Variants in LRRC8A observed in about 807,000 individuals in gnomAD.
The protein encoded by LRRC8A is leucine rich repeat containing 8 VRAC subunit A, also known as volume-regulated anion channel subunit LRRC8A.
In LRRC8A, 24 loss-of-function variants were observed where a neutral mutation model predicts 52.5. The observed-to-expected ratio is 0.46, with a 90% CI of 0.33 to 0.64. The LOEUF (loss-of-function observed/expected upper bound fraction) is 0.64, where lower values mean the gene tolerates loss of function less well. LRRC8A is among the 30% of genes least tolerant of loss of function. The probability of loss-of-function intolerance (pLI) is 0.02; values close to 1 mark genes in which losing one functional copy is unlikely to be tolerated. For missense variants in LRRC8A, 677 were observed against 1,094.7 expected, an observed-to-expected ratio of 0.62 and a Z score of 5.38; for synonymous variants, 492 against 494.2, an observed-to-expected ratio of 1.00 and a Z score of 0.06.
At chr9:128,898,983 G>A (rs1405778190) in intron 2 of LRRC8A, among the ~76,000 whole-genome samples, 1 of 152,254 alleles carries the variant, frequency 6.6e-6, no homozygotes, top group Admixed American at 6.5e-5. Flanking sequence ...GCCAGCTGGA[G>A]GCCAGAACAG....
Position 128,908,351 on chromosome 9 carries a change from AG to A in LRRC8A, c.1189del (p.Val397Ter). 6.2e-7 allele frequency: 1 copy of A among 1,614,000 alleles called. No homozygotes were observed. The highest frequency in any genetic ancestry group is 8.5e-7 in the Non-Finnish European group (1 of 1,180,030). ...AAGCGCTTCGCCGTCTTCCTGTCGG[AG>A]GTGAGTGAGAACAAGCTGCGGCAGC... ...YSKRFAVFLS[E>X]VSENKLRQLN... is the part of the protein sequence containing the mutation. On this transcript the variant is annotated frameshift_variant, in exon 3 of 4. Transcript: ENST00000372600. LOFTEE classifies it high-confidence loss of function.
At chr9:128,890,417 G>A (rs1177265676) in intron 2 of LRRC8A, among the ~76,000 whole-genome samples, 4 of 152,146 alleles carry the variant, frequency 2.6e-5, no homozygotes, top group Non-Finnish European at 5.9e-5. Context: ...AGTAAAAGTG[G>A]CTGTAAAATT....
At chr9:128,906,110 T>C (rs1840236637) in intron 2 of LRRC8A, among the ~76,000 whole-genome samples, 1 of 152,170 alleles carries the variant, frequency 6.6e-6, no homozygotes, top group Non-Finnish European at 1.5e-5. Context: ...CCCAGAATCT[T>C]GTACACACAT....
intron 2 of LRRC8A, among the ~76,000 whole-genome samples, chr9:128,890,695 C>CA (rs1839582010): frequency 6.6e-6 from 1 of 152,204 alleles, no homozygotes; most frequent in Admixed American, 6.5e-5. Flanking sequence ...AGGGCTTGGC[C>CA]AGTGCCCACT....
At chr9:128,913,446 C>A (rs1357156096) in intron 3 of LRRC8A, among the ~76,000 whole-genome samples, 1 of 152,152 alleles carries the variant, frequency 6.6e-6, no homozygotes, top group African/African-American at 2.4e-5. Context: ...AACTTCAAGC[C>A]TCCAGGGCAC....
Position 128,911,640 on chromosome 9 carries a change from T to C in LRRC8A, c.2157+2319T>C, listed in dbSNP as rs1220039605. On this transcript the variant is annotated intron_variant, in intron 3 of 3. Transcript: ENST00000372600. The surrounding 1 kb of genome is among the most constrained non-coding windows in gnomAD (Gnocchi z 4.9). ...AAGCCTCCAGCCTGGCTCCCCATCC[T>C]GTCCCCCACCCCCAGCTCCTCCCGC... Among the ~76,000 whole-genome samples, 1 of 152,160 alleles carries C rather than the reference T, an allele frequency of 6.6e-6. No individual in the cohort carries two copies. The highest frequency in any genetic ancestry group is 1.5e-5 in the Non-Finnish European group (1 of 68,022).
chr9:128,897,778 A>G (rs1361684162), intron 2 of LRRC8A, among the ~76,000 whole-genome samples: 1 of 152,038 alleles, frequency 6.6e-6, no homozygotes, highest in East Asian at 1.9e-4. Context: ...TCCTGACCTC[A>G]GGTGATCCTC....
Position 128,916,107 on chromosome 9 carries a change from C to T in LRRC8A, c.2169C>T (p.Leu723=). 1 of 1,605,262 alleles carries T rather than the reference C, an allele frequency of 6.2e-7. No homozygotes were observed. The highest frequency in any genetic ancestry group is 8.5e-7 in the Non-Finnish European group (1 of 1,173,256). The change falls in exon 4 of 4, where the codon CTC becomes CTT. Residue 723 remains leucine (L), a synonymous_variant. Coordinates refer to ENST00000372600, the MANE Select transcript of LRRC8A (RefSeq NM_019594.4). This position sits in a 1 kb window ranked among gnomAD's most constrained non-coding sequence, Gnocchi z 6.1. Reference sequence around the variant, plus strand: ...TTTTTTCCCTCCAGATCGAGACGCTCCCTCCGGAGCTCTTCCAGTGCCGGA... The same window carrying T: ...TTTTTTCCCTCCAGATCGAGACGCTTCCTCCGGAGCTCTTCCAGTGCCGGA... The part of the protein sequence containing the change: ...LAITANRIET[L]PPELFQCRKL...
intron 2 of LRRC8A, among the ~76,000 whole-genome samples, chr9:128,893,874 T>C (rs1839719694): frequency 2.0e-5 from 3 of 152,088 alleles, no homozygotes; most frequent in Middle Eastern, 3.4e-3. Context: ...AATGAGTTTG[T>C]TATTGATATA....
chr9:128,908,790 G>A lies in LRRC8A; in HGVS notation c.1626G>A (p.Glu542=). 6.2e-7 allele frequency: 1 copy of A among 1,613,442 alleles called. No individual in the cohort carries two copies. Among genetic ancestry groups the A allele is most frequent in the Non-Finnish European group, 8.5e-7 (1 of 1,180,034 alleles). The change falls in exon 3 of 4, where the codon GAG becomes GAA. Residue 542 remains glutamate, a synonymous_variant. Coordinates refer to ENST00000372600, the MANE Select transcript of LRRC8A (RefSeq NM_019594.4). ...ACATCGTCATCGACGGGCTGCGGGA[G>A]CTCAAACGCCTCAAGGTGCTGCGGC... is the stretch of plus-strand genomic sequence containing the variant. ...NRYIVIDGLR[E]LKRLKVLRLK...
At position 128,908,445 on chromosome 9, in the gene LRRC8A, G is replaced by A. The variant is rs1840349895; in HGVS notation, c.1281G>A (p.Lys427=). The change falls in exon 3 of 4, where the codon AAG becomes AAA. Residue 427 remains lysine, a synonymous_variant. Coordinates refer to ENST00000372600, the MANE Select transcript of LRRC8A (RefSeq NM_019594.4). The part of the protein sequence containing the change: ...RQRLTKNAQD[K]LELHLFMLSG... ...GGCTCACCAAGAACGCGCAGGACAA[G>A]CTGGAGCTGCACCTGTTCATGCTCA... The A allele has an allele frequency of 6.2e-7, 1 of 1,613,388 alleles. No homozygotes were observed. The highest frequency in any genetic ancestry group is 8.5e-7 in the Non-Finnish European group (1 of 1,180,028).
chr9:128,904,720 T>C (rs910374029), intron 2 of LRRC8A, among the ~76,000 whole-genome samples: 7 of 151,382 alleles, frequency 4.6e-5, no homozygotes, highest in Admixed American at 4.6e-4. Context: ...ATGGGCCAGG[T>C]ATGGTGGTTC....
At chr9:128,906,316 ATTTTTTTT>A (rs71383620) in intron 2 of LRRC8A, among the ~76,000 whole-genome samples, 1 of 79,272 alleles carries the variant, frequency 1.3e-5, no homozygotes, top group Admixed American at 1.7e-4. Flanking sequence ...CCCATGTGGA[ATTTTTTTT>A]TTTTTTTTTT....
At position 128,917,199 on chromosome 9, in the gene LRRC8A, G is replaced by A. The variant is rs749591803; in HGVS notation, c.*828G>A. 3.9e-5 allele frequency: 6 copies of A among 152,440 alleles called. No homozygotes were observed. Among genetic ancestry groups the A allele is most frequent in the Non-Finnish European group, 7.4e-5 (5 of 67,996 alleles). 9.4% of individuals were successfully genotyped at this position (152,440 alleles called of 1,614,324 possible). On this transcript the variant is annotated 3_prime_UTR_variant, in exon 4 of 4. Coordinates refer to ENST00000372600, the MANE Select transcript of LRRC8A (RefSeq NM_019594.4). ...TTTCCCTTGAGCAAAGCAGCCAGAC[G>A]TTGAACTGTGTTTCCTTTCCCTGGG...
chr9:128,901,614 A>G (rs956420392), intron 2 of LRRC8A, among the ~76,000 whole-genome samples: 3 of 152,168 alleles, frequency 2.0e-5, no homozygotes, highest in African/African-American at 7.2e-5. Context: ...AAATAATTCC[A>G]TGGCCTCCTC....
At chr9:128,909,489 A>G (rs1234420814) in intron 3 of LRRC8A, among the ~76,000 whole-genome samples, 168 bp downstream of exon 3, 1 of 152,232 alleles carries the variant, frequency 6.6e-6, no homozygotes, top group Non-Finnish European at 1.5e-5. Flanking sequence ...TGTTCAAGAG[A>G]CAGACTCCTT....
At chr9:128,898,754 A>C (rs111295485) in intron 2 of LRRC8A, among the ~76,000 whole-genome samples, 24 of 152,280 alleles carry the variant, frequency 1.6e-4, no homozygotes, top group African/African-American at 5.8e-4. Flanking sequence ...TAGCAGAGCC[A>C]GTCTGGCCCT....
At position 128,915,276 on chromosome 9, in the gene LRRC8A, C is replaced by T. The variant is rs577097736; in HGVS notation, c.2158-820C>T. Among the ~76,000 whole-genome samples the T allele has an allele frequency of 7.9e-5, 12 of 152,192 alleles. No individual in the cohort carries two copies. The South Asian group carries it at 2.5e-3, about 32-fold the overall frequency. ...TTCTGTTCGTTGCTATTCACAGGTACCTATGATAAAGTTTAATTTATAAAT... is the reference window on the plus strand; with the variant it reads ...TTCTGTTCGTTGCTATTCACAGGTATCTATGATAAAGTTTAATTTATAAAT... On this transcript the variant is annotated intron_variant, in intron 3 of 3. Coordinates refer to ENST00000372600, the MANE Select transcript of LRRC8A (RefSeq NM_019594.4).
rs1840356954 is a variant in LRRC8A, at chr9:128,908,599, A to G, written c.1435A>G (p.Thr479Ala). ...TGLKELWLYH[T>A]AAKIEAPALA... ...CCTCAAGGAGCTGTGGCTCTACCAC[A>G]CAGCGGCCAAGATTGAAGCGCCCGC... Residue 479 changes from threonine (T) to alanine (A), a missense_variant, in exon 3 of 4, where the codon ACA becomes GCA. This residue lies in a region of LRRC8A where 422 missense variants were observed against 741.5 expected (regional missense o/e 0.57). Coordinates refer to ENST00000372600, the MANE Select transcript of LRRC8A (RefSeq NM_019594.4). 6.2e-7 allele frequency: 1 copy of G among 1,612,668 alleles called. No homozygotes were observed. Among genetic ancestry groups the G allele is most frequent in the African/African-American group, 1.3e-5 (1 of 74,928 alleles).
Sources: gnomAD v4.1 joint callset for allele counts (sites outside exome capture counted in the v4.1 genomes callset) on GRCh38, gnomAD v4.1.1 for gene constraint, gnomAD v4.1.1 regional missense constraint, Gnocchi (gnomAD v3.1) non-coding constraint, MANE v1.5 for transcripts, NCBI Gene and HGNC (gene_info 2026-07-23, HGNC 2026-07-21) for gene names.